Variants in TEK observed in about 807,000 individuals in gnomAD.
The protein encoded by TEK is angiopoietin-1 receptor.
Under a neutral mutation model 131.8 loss-of-function variants are expected in TEK, and 43 were observed. That is an observed-to-expected ratio of 0.33 (90% CI 0.26 to 0.42). TEK has a LOEUF of 0.42. Among genes scored for constraint, TEK ranks in the 10% least tolerant of loss-of-function variants. TEK has a pLI of 1.00. For synonymous variants in TEK, 580 were observed against 491.6 expected (o/e 1.18, Z -2.38); for missense variants, 1,162 against 1,384.4 (o/e 0.84, Z 2.55).
intron 7 of TEK, among the ~76,000 whole-genome samples, chr9:27,183,107 G>A (rs1378687216): frequency 4.6e-5 from 7 of 152,190 alleles, no homozygotes; most frequent in African/African-American, 1.7e-4. Flanking sequence ...AAAAGAAAGA[G>A]GGGGATTGAA....
At chr9:27,172,496 C>T (rs1823994572) in intron 4 of TEK, 120 bp from the exon 5 acceptor site, 6 of 1,377,312 alleles carry the variant, frequency 4.4e-6, no homozygotes, top group Admixed American at 1.9e-5. Context: ...GAGAGCAGAG[C>T]CTGTATTTTA....
chr9:27,202,269 C>T (rs1347473466), intron 12 of TEK, among the ~76,000 whole-genome samples: 3 of 152,150 alleles, frequency 2.0e-5, no homozygotes, highest in Non-Finnish European at 4.4e-5. Flanking sequence ...ACTGACCTGC[C>T]TGCTGCTCCA....
At chr9:27,188,293 A>G (rs2131179035) in intron 9 of TEK, among the ~76,000 whole-genome samples, 1 of 152,324 alleles carries the variant, frequency 6.6e-6, no homozygotes, top group African/African-American at 2.4e-5. Flanking sequence ...GGGTGTACAC[A>G]TAGGTAAAGT....
At chr9:27,180,193 T>C (rs1824311145) in intron 6 of TEK, 47 bp from the exon 7 acceptor site, 2 of 1,612,624 alleles carry the variant, frequency 1.2e-6, no homozygotes, top group East Asian at 2.2e-5. Context: ...CTTAGTTTCC[T>C]CTCTTCCCCT....
chr9:27,209,054 A>G, intron 15 of TEK, 67 bp from the exon 16 acceptor site: 1 of 1,068,092 alleles, frequency 9.4e-7, no homozygotes, highest in Admixed American at 1.7e-5. Context: ...CTTAGGGGGC[A>G]GGACGGGACA....
intron 21 of TEK, among the ~76,000 whole-genome samples, chr9:27,221,057 T>G (rs1029192708): frequency 1.3e-5 from 2 of 152,160 alleles, no homozygotes; most frequent in Non-Finnish European, 2.9e-5. Flanking sequence ...GAAGTTGACC[T>G]GGGGGAGGAC....
chr9:27,155,791 G>A (rs10967740), intron 1 of TEK, among the ~76,000 whole-genome samples: 30,397 of 150,488 alleles, frequency 0.2, 3,702 homozygotes, highest in Non-Finnish European at 0.28. Flanking sequence ...GGGCAAGGAG[G>A]TCAGTTCAGA....
At chr9:27,205,158 A>AT in intron 14 of TEK, 93 bp downstream of exon 14, 4 of 1,483,316 alleles carry the variant, frequency 2.7e-6, no homozygotes, top group Non-Finnish European at 3.7e-6. Context: ...ATTTACTTAT[A>AT]AAGTAAATAT....
chr9:27,175,941 C>G (rs773402859), intron 6 of TEK, among the ~76,000 whole-genome samples: 10 of 152,072 alleles, frequency 6.6e-5, no homozygotes, highest in Non-Finnish European at 1.3e-4. Flanking sequence ...TGTAGGTTGC[C>G]TGTTCACTCT....
intron 1 of TEK, among the ~76,000 whole-genome samples, chr9:27,115,279 G>A (rs879255949): frequency 2.6e-5 from 4 of 152,024 alleles, no homozygotes; most frequent in Non-Finnish European, 5.9e-5. Flanking sequence ...CAGACAAATC[G>A]CTTGAGCCCA....
Position 27,168,605 on chromosome 9 carries a change from G to T in TEK, c.475G>T (p.Gly159Cys). The change falls in exon 3 of 23, where the codon GGT becomes TGT. Residue 159 changes from glycine (G) to cysteine (C), a missense_variant and splice_region_variant. By Grantham distance (159) the Gly-to-Cys change is radical. This residue lies in a region of TEK where 436 missense variants were observed against 539.1 expected (regional missense o/e 0.81). Coordinates refer to ENST00000380036, the MANE Select transcript of TEK (RefSeq NM_000459.5). ...KEEDAVIYKN[G>C]SFIHSVPRHE... ...AGAAGATGCAGTGATTTACAAAAAT[G>T]GTGAGTATGTGTTTCATTGCTTTCC... 1 of 1,592,752 alleles carries T rather than the reference G, an allele frequency of 6.3e-7. No homozygotes were observed. The highest frequency in any genetic ancestry group is 1.1e-5 in the South Asian group (1 of 90,436).
rs1825279560 is a variant in TEK, at chr9:27,203,123, G to A, written c.2209+4G>A. ...GTGACCCTCCCAGAATCTCAAGGTTGGTTGAATGGACAAGTATTTACATAG... is the reference window on the plus strand; with the variant it reads ...GTGACCCTCCCAGAATCTCAAGGTTAGTTGAATGGACAAGTATTTACATAG... On this transcript the variant is annotated splice_donor_region_variant and intron_variant, in intron 13 of 22. Transcript: ENST00000380036. 6.2e-7 allele frequency: 1 copy of A among 1,613,952 alleles called. No homozygotes were observed. Among genetic ancestry groups the A allele is most frequent in the South Asian group, 1.1e-5 (1 of 91,068 alleles).
In TEK at chr9:27,136,578, G is replaced by T. The variant is rs1449249639; in HGVS notation, c.53-21253G>T. ...ACACACAGGTACAGATGGACATACAGCCACAATCATAAATACAGAGACACG... is the reference window on the plus strand; with the variant it reads ...ACACACAGGTACAGATGGACATACATCCACAATCATAAATACAGAGACACG... On this transcript the variant is annotated intron_variant, in intron 1 of 22. Coordinates refer to ENST00000380036, the MANE Select transcript of TEK (RefSeq NM_000459.5). Among the ~76,000 whole-genome samples, 2 of 152,208 alleles carry T rather than the reference G, an allele frequency of 1.3e-5. 1 individual carries two copies. Among genetic ancestry groups the T allele is most frequent in the South Asian group, 4.2e-4 (2 of 4,818 alleles).
At chr9:27,216,557 TGGA>T (rs1436992933) in intron 18 of TEK, among the ~76,000 whole-genome samples, 1 of 152,088 alleles carries the variant, frequency 6.6e-6, no homozygotes, top group Non-Finnish European at 1.5e-5. Flanking sequence ...GGTGTGGATG[TGGA>T]GGAGAACAAT....
chr9:27,174,964 G>GT (rs142396728), intron 6 of TEK, among the ~76,000 whole-genome samples: 15 of 150,056 alleles, frequency 1.0e-4, no homozygotes, highest in South Asian at 2.1e-4. Flanking sequence ...AGGTTTTTTT[G>GT]TTTTTTTTTT....
At chr9:27,117,107 C>T (rs1438838301) in intron 1 of TEK, among the ~76,000 whole-genome samples, 8 of 151,932 alleles carry the variant, frequency 5.3e-5, no homozygotes, top group African/African-American at 1.7e-4. Flanking sequence ...CCTAGTGATC[C>T]GCCTGCCTCG....
At chr9:27,129,806 A>C (rs1822141193) in intron 1 of TEK, among the ~76,000 whole-genome samples, 1 of 152,186 alleles carries the variant, frequency 6.6e-6, no homozygotes, top group South Asian at 2.1e-4. Context: ...CAATTTCTAA[A>C]GACCCTAGAC....
chr9:27,116,938 T>G (rs191274258), intron 1 of TEK, among the ~76,000 whole-genome samples: 4,807 of 147,720 alleles, frequency 0.033, 113 homozygotes, highest in Middle Eastern at 0.066. Context: ...CTCGGCTCAC[T>G]GCAAGCTCCG....
At chr9:27,126,163 C>A (rs1821980884) in intron 1 of TEK, among the ~76,000 whole-genome samples, 2 of 152,122 alleles carry the variant, frequency 1.3e-5, no homozygotes, top group South Asian at 4.1e-4. Flanking sequence ...TAAAGACAAA[C>A]CATTTGGTCT....
Sources: gnomAD v4.1 joint callset for allele counts (sites outside exome capture counted in the v4.1 genomes callset) on GRCh38, gnomAD v4.1.1 for gene constraint, gnomAD v4.1.1 regional missense constraint, MANE v1.5 for transcripts, NCBI Gene and HGNC (gene_info 2026-07-23, HGNC 2026-07-21) for gene names.